Variants in FAM53A observed in about 807,000 individuals in gnomAD.
FAM53A encodes the protein family with sequence similarity 53 member A, also known as protein FAM53A.
FAM53A carries 28 observed loss-of-function variants against 26.6 expected under a neutral mutation model. That is an observed-to-expected ratio of 1.05 (90% CI 0.78 to 1.45). The LOEUF (loss-of-function observed/expected upper bound fraction) is 1.45, where lower values mean the gene tolerates loss of function less well. Ranked by LOEUF, FAM53A falls within the 40% of genes most tolerant of loss-of-function variation. FAM53A has a pLI of 0.00. For missense variants in FAM53A, 650 were observed against 575.8 expected, an observed-to-expected ratio of 1.13 and a Z score of -1.32; for synonymous variants, 290 against 253.1, an observed-to-expected ratio of 1.15 and a Z score of -1.38.
At chr4:1,631,331 T>C (rs1363831538) in intron 1 of FAM53A, among the ~76,000 whole-genome samples, 1 of 152,230 alleles carries the variant, frequency 6.6e-6, no homozygotes, top group Admixed American at 6.5e-5. Context: ...ATCAACCCCA[T>C]GTCCCAGGCA....
chr4:1,608,226 G>A, the FAM53A span, among the ~76,000 whole-genome samples: 30 of 152,010 alleles, frequency 2.0e-4, no homozygotes, highest in Admixed American at 6.5e-4. Context: ...GCCCCTCCCG[G>A]CCTCTCCGAT....
chr4:1,683,689 C>T (rs1432084824), intron 1 of FAM53A: 1 of 152,250 alleles, frequency 6.6e-6, no homozygotes, highest in Admixed American at 6.5e-5. Flanking sequence ...CGCGCGAAAA[C>T]TCACGAGGCC....
At chr4:1,601,380 C>T in the FAM53A span, among the ~76,000 whole-genome samples, 35,238 of 112,026 alleles carry the variant, frequency 0.31, 13,656 homozygotes, top group East Asian at 0.55. Context: ...AGGGCCCATC[C>T]GTCCACCGTT....
Position 1,655,577 on chromosome 4 carries a change from C to T in FAM53A, c.283G>A (p.Ala95Thr), listed in dbSNP as rs552629119. Residue 95 changes from alanine (A) to threonine (T), a missense_variant, in exon 4 of 5, where the codon GCA becomes ACA. Ala to Thr is a moderately conservative substitution (Grantham distance 58, BLOSUM62 0). Coordinates refer to ENST00000308132, the MANE Select transcript of FAM53A (RefSeq NM_001174070.3). ...ACGGTGCTGGCTGCACCCAGGCCTG[C>T]GCCTGGGCGCGGGGACTGTGGCTGC... ...QWQPQSPRPG[A>T]GLGAASTVDP... 21 of 1,580,352 alleles carry T rather than the reference C, an allele frequency of 1.3e-5. No individual in the cohort carries two copies. The highest frequency in any genetic ancestry group is 4.6e-5 in the East Asian group (2 of 43,744).
chr4:1,624,095 T>TGGTGGCCAGGTGCCCCC (rs1715175286), intron 1 of FAM53A, among the ~76,000 whole-genome samples: 1 of 152,214 alleles, frequency 6.6e-6, no homozygotes, highest in African/African-American at 2.4e-5. Flanking sequence ...CAGGGACCAC[T>TGGTGGCCAGGTGCCCCC]GGTGGCCAGG....
intron 1 of FAM53A, among the ~76,000 whole-genome samples, chr4:1,674,966 C>A (rs1280138659): frequency 6.6e-6 from 1 of 152,210 alleles, no homozygotes; most frequent in South Asian, 2.1e-4. Flanking sequence ...CCTGCCGGAG[C>A]TGGGAAAGCC....
In FAM53A at chr4:1,634,548, G is replaced by A. The variant is rs550243050; in HGVS notation, c.432-16437C>T. 3.9e-5 allele frequency among the ~76,000 whole-genome samples: 6 copies of A among 152,292 alleles called. No homozygotes were observed. In the Middle Eastern group the frequency reaches 0.01, roughly 259 times the overall value. On this transcript the variant is annotated intron_variant, in intron 1 of 1. Coordinates refer to the FAM53A transcript ENST00000489029. The stretch of plus-strand genomic sequence containing the variant: ...GGTCTTTTTTTTCCATTCTCTGAAC[G>A]GAATTATGAAAGGCTGGAATTTCCT...
downstream of FAM53A, among the ~76,000 whole-genome samples, chr4:1,638,221 C>T (rs951527353): frequency 3.3e-5 from 5 of 152,068 alleles, no homozygotes; most frequent in South Asian, 4.1e-4. Flanking sequence ...CCAGGAAACA[C>T]GCAGACACGC....
chr4:1,666,308 C>G (rs1577140977), intron 2 of FAM53A, among the ~76,000 whole-genome samples: 1 of 134,886 alleles, frequency 7.4e-6, no homozygotes, highest in Non-Finnish European at 1.6e-5. Flanking sequence ...AAAACCTGCA[C>G]CTGCACCCCC....
chr4:1,635,259 T>G (rs1715789554), downstream of FAM53A, among the ~76,000 whole-genome samples: 1 of 152,052 alleles, frequency 6.6e-6, no homozygotes, highest in African/African-American at 2.4e-5. Flanking sequence ...TGTTGTCAGT[T>G]TCATTCATTT....
chr4:1,669,122 G>A (rs896361362), intron 1 of FAM53A, among the ~76,000 whole-genome samples: 2 of 151,988 alleles, frequency 1.3e-5, no homozygotes, highest in South Asian at 2.1e-4. Flanking sequence ...AGACCCACCC[G>A]CCCCGGAAGC....
chr4:1,655,202 G>T lies in FAM53A; in HGVS notation c.658C>A (p.Arg220Ser). 6.4e-7 allele frequency: 1 copy of T among 1,556,826 alleles called. No individual in the cohort carries two copies. Among genetic ancestry groups the T allele is most frequent in the Non-Finnish European group, 8.6e-7 (1 of 1,160,166 alleles). Residue 220 changes from arginine (R) to serine (S), a missense_variant, in exon 4 of 5, where the codon CGC (arginine) becomes AGC (serine). Arg to Ser is a moderately radical substitution (Grantham distance 110). Coordinates refer to ENST00000308132, the MANE Select transcript of FAM53A (RefSeq NM_001174070.3). ...CGCTCCTGTGAGAGGGACGGGCGGC[G>T]CCTCGTGGAGGGCAAGCAGGACTCC... ...SAESCLPSTR[R>S]RPSLSQERLA...
chr4:1,655,021 G>T lies in FAM53A; in HGVS notation c.839C>A (p.Ala280Asp). The T allele has an allele frequency of 6.4e-7, 1 of 1,560,254 alleles. No individual in the cohort carries two copies. The highest frequency in any genetic ancestry group is 8.7e-7 in the Non-Finnish European group (1 of 1,154,130). ...GTCCAAGGATGGGCGTGTCCACCTG[G>T]CGTCCTCCTCACGCCTCCGTTTGCG... ...SRRKRRREED[A>D]RWTRPSLDFL... The change falls in exon 4 of 5, where the codon GCC (alanine) becomes GAC (aspartate). Residue 280 changes from alanine (A) to aspartate (D), a missense_variant. Transcript: ENST00000308132.
chr4:1,604,522 C>G, the FAM53A span, among the ~76,000 whole-genome samples: 6 of 152,118 alleles, frequency 3.9e-5, no homozygotes, highest in Non-Finnish European at 8.8e-5. Flanking sequence ...GGGAGCCCCC[C>G]ACTCACAAAG....
intron 1 of FAM53A, among the ~76,000 whole-genome samples, chr4:1,675,575 A>G (rs901752302): frequency 6.6e-6 from 1 of 152,170 alleles, no homozygotes; most frequent in Admixed American, 6.5e-5. Flanking sequence ...CTGGTGACTT[A>G]GCCGACAACC....
chr4:1,607,468 G>A, the FAM53A span, among the ~76,000 whole-genome samples: 7 of 152,028 alleles, frequency 4.6e-5, no homozygotes, highest in African/African-American at 1.2e-4. Flanking sequence ...GCCTTCAATC[G>A]TCAACTCAGG....
rs139732204 is a variant in FAM53A, at chr4:1,641,388, T to C, written c.1102A>G (p.Ser368Gly). ...CTGTCCCCATCACGGGGGTCCCCGC[T>C]GCTCCTGCGGGAGCCATCACTGGTC... is the stretch of plus-strand genomic sequence containing the variant. ...SVTSDGSRRS[S>G]GDPRDGDSVG... The change falls in exon 5 of 5, where the codon AGC (serine) becomes GGC (glycine). Residue 368 changes from serine to glycine, a missense_variant. Physicochemically the swap from Ser to Gly is moderately conservative, Grantham distance 56. Coordinates refer to ENST00000308132, the MANE Select transcript of FAM53A (RefSeq NM_001174070.3). The C allele has an allele frequency of 1.1e-5, 17 of 1,610,988 alleles. No homozygotes were observed. Among genetic ancestry groups the C allele is most frequent in the Non-Finnish European group, 8.5e-6 (10 of 1,179,116 alleles).
upstream of FAM53A, among the ~76,000 whole-genome samples, chr4:1,684,922 C>A (rs899804047): frequency 2.6e-5 from 4 of 152,200 alleles, no homozygotes; most frequent in African/African-American, 9.6e-5. Context: ...GCACAGCAGG[C>A]CCAGGGAGAC....
chr4:1,605,883 C>T, the FAM53A span, among the ~76,000 whole-genome samples: 201 of 152,304 alleles, frequency 1.3e-3, 1 homozygote, highest in African/African-American at 4.0e-3. The surrounding 1 kb of genome is among the most constrained non-coding windows in gnomAD (Gnocchi z 5.7). Context: ...CCCCTCCCCA[C>T]TGGAGTTCAG....
Sources: allele counts gnomAD v4.1 joint callset (sites outside exome capture counted in the v4.1 genomes callset), GRCh38; gene constraint gnomAD v4.1.1; non-coding constraint Gnocchi (gnomAD v3.1); transcripts MANE v1.5; gene names NCBI Gene and HGNC (gene_info 2026-07-23, HGNC 2026-07-21).